Variants in PTPRK observed in about 807,000 individuals in gnomAD.
PTPRK encodes receptor-type tyrosine-protein phosphatase kappa.
PTPRK carries 75 observed loss-of-function variants against 178.0 expected under a neutral mutation model. The observed-to-expected ratio is 0.42, with a 90% CI of 0.35 to 0.51. The LOEUF (loss-of-function observed/expected upper bound fraction) is 0.51, where lower values mean the gene tolerates loss of function less well. Ranked by LOEUF, PTPRK falls within the 20% of genes least tolerant of loss-of-function variation. The pLI, the probability that PTPRK is intolerant of heterozygous loss-of-function variation, is 0.02. For synonymous variants in PTPRK, 637 were observed against 620.6 expected, an observed-to-expected ratio of 1.03 and a Z score of -0.39; for missense variants, 1,441 against 1,797.8, an observed-to-expected ratio of 0.80 and a Z score of 3.59.
chr6:128,110,563 C>T (rs990767818), intron 7 of PTPRK, among the ~76,000 whole-genome samples: 1 of 151,570 alleles, frequency 6.6e-6, no homozygotes, highest in Non-Finnish European at 1.5e-5. Flanking sequence ...GGATTCAACA[C>T]TAGAGGAGCA....
At chr6:128,320,618 T>C (rs902457011) in intron 3 of PTPRK, among the ~76,000 whole-genome samples, 11 of 152,076 alleles carry the variant, frequency 7.2e-5, no homozygotes, top group African/African-American at 2.4e-4. Flanking sequence ...GCTGACTCTG[T>C]TGAATCAGAA....
chr6:128,499,108 T>C (rs916271033), intron 1 of PTPRK, among the ~76,000 whole-genome samples: 10 of 152,114 alleles, frequency 6.6e-5, no homozygotes, highest in Non-Finnish European at 1.3e-4. Context: ...CCAAAGTACA[T>C]TTGCCTTCCA....
intron 7 of PTPRK, among the ~76,000 whole-genome samples, chr6:128,135,078 TCA>T (rs34254716): frequency 0.049 from 6,700 of 135,728 alleles, 156 homozygotes; most frequent in Middle Eastern, 0.11. Flanking sequence ...AATCATTCAA[TCA>T]CACACACACA....
At chr6:128,384,460 A>T (rs938530778) in intron 2 of PTPRK, among the ~76,000 whole-genome samples, 1 of 152,106 alleles carries the variant, frequency 6.6e-6, no homozygotes, top group South Asian at 2.1e-4. Context: ...GGGGTGTCCA[A>T]TCTTTTGGCT....
intron 3 of PTPRK, among the ~76,000 whole-genome samples, chr6:128,293,460 T>C (rs1432673636): frequency 6.6e-6 from 1 of 152,106 alleles, no homozygotes; most frequent in Non-Finnish European, 1.5e-5. Flanking sequence ...GGTGCCCTCA[T>C]GACTTAATCA....
At chr6:128,280,475 GC>G (rs1178571753) in intron 3 of PTPRK, among the ~76,000 whole-genome samples, 2 of 152,116 alleles carry the variant, frequency 1.3e-5, no homozygotes, top group African/African-American at 2.4e-5. Context: ...TAACACAGAA[GC>G]TTCAAAGGTA....
chr6:128,183,200 T>C (rs1802217042), intron 7 of PTPRK, among the ~76,000 whole-genome samples: 1 of 152,196 alleles, frequency 6.6e-6, no homozygotes, highest in Non-Finnish European at 1.5e-5. Context: ...AAATGATTTC[T>C]CTGACTAGTT....
At chr6:128,020,559 A>AT (rs1210899261) in intron 13 of PTPRK, among the ~76,000 whole-genome samples, 5 of 152,200 alleles carry the variant, frequency 3.3e-5, no homozygotes, top group Non-Finnish European at 7.4e-5. Context: ...TGCACTTGAC[A>AT]TTTTTAGTGG....
intron 1 of PTPRK, among the ~76,000 whole-genome samples, chr6:128,485,111 C>T (rs1852620771): frequency 6.6e-6 from 1 of 152,122 alleles, no homozygotes; most frequent in South Asian, 2.1e-4. Context: ...TATATAATTA[C>T]AATTCAACTG....
At chr6:128,190,275 A>C (rs1452317224) in intron 6 of PTPRK, among the ~76,000 whole-genome samples, 1 of 152,062 alleles carries the variant, frequency 6.6e-6, no homozygotes, top group Non-Finnish European at 1.5e-5. Flanking sequence ...CTGATACTTC[A>C]AATTTTCAGT....
intron 1 of PTPRK, among the ~76,000 whole-genome samples, chr6:128,400,445 C>T (rs117316715): frequency 0.012 from 1,751 of 151,978 alleles, 15 homozygotes; most frequent in Non-Finnish European, 0.019. Context: ...AAAGTAAATA[C>T]GAAAAGTTTT....
At chr6:128,259,546 T>C (rs1347826924) in intron 3 of PTPRK, among the ~76,000 whole-genome samples, 1 of 152,152 alleles carries the variant, frequency 6.6e-6, no homozygotes, top group Non-Finnish European at 1.5e-5. Flanking sequence ...AGGAGTCATC[T>C]CTAGAAAGCA....
At chr6:128,364,902 T>G (rs1005785271) in intron 2 of PTPRK, among the ~76,000 whole-genome samples, 1 of 152,024 alleles carries the variant, frequency 6.6e-6, no homozygotes, top group Non-Finnish European at 1.5e-5. Context: ...TCTATCTAAA[T>G]CTGAGCTTAT....
At chr6:128,173,657 ACCT>A (rs1800630467) in intron 7 of PTPRK, among the ~76,000 whole-genome samples, 2 of 151,848 alleles carry the variant, frequency 1.3e-5, no homozygotes, top group Admixed American at 1.3e-4. Flanking sequence ...CTGTCCCTAT[ACCT>A]TAATGTTCCA....
intron 5 of PTPRK, among the ~76,000 whole-genome samples, chr6:128,233,547 ACT>A (rs1408687271): frequency 4.3e-4 from 66 of 152,306 alleles, no homozygotes; most frequent in African/African-American, 1.5e-3. Flanking sequence ...TCCAATTAGT[ACT>A]CTCAAGCCAT....
chr6:128,142,176 T>C (rs1795866472), intron 7 of PTPRK, among the ~76,000 whole-genome samples: 1 of 151,932 alleles, frequency 6.6e-6, no homozygotes, highest in African/African-American at 2.4e-5. Context: ...TAAATGACAA[T>C]CTATGACCTT....
At chr6:128,009,320 A>G in intron 13 of PTPRK, 52 bp from the exon 14 acceptor site, 3 of 1,547,964 alleles carry the variant, frequency 1.9e-6, no homozygotes, top group Non-Finnish European at 2.6e-6. Flanking sequence ...ATAATCACAG[A>G]AAAAAATTAT....
chr6:128,066,790 A>T (rs1781842970), intron 12 of PTPRK, among the ~76,000 whole-genome samples: 1 of 152,204 alleles, frequency 6.6e-6, no homozygotes, highest in African/African-American at 2.4e-5. Context: ...GAGGCATGAA[A>T]GGCCAGGTTG....
intron 3 of PTPRK, among the ~76,000 whole-genome samples, chr6:128,312,277 G>T (rs1277788594): frequency 6.6e-6 from 1 of 152,126 alleles, no homozygotes; most frequent in East Asian, 1.9e-4. Context: ...GAAAGGCAGG[G>T]GAAAGTTAGA....
Sources: allele counts gnomAD v4.1 joint callset (sites outside exome capture counted in the v4.1 genomes callset), GRCh38; gene constraint gnomAD v4.1.1; transcripts MANE v1.5; gene names NCBI Gene and HGNC (gene_info 2026-07-23, HGNC 2026-07-21).